Variants in MYO10 observed in about 807,000 individuals in gnomAD.
MYO10 encodes the protein unconventional myosin-X.
Under a neutral mutation model 257.3 loss-of-function variants are expected in MYO10, and 133 were observed. The ratio of observed to expected loss-of-function variants is 0.52; its 90% CI spans 0.45 to 0.60. The LOEUF (loss-of-function observed/expected upper bound fraction) is 0.60. Ranked by LOEUF, MYO10 falls within the 20% of genes least tolerant of loss-of-function variation. MYO10 has a pLI of 0.00. For synonymous variants in MYO10, 1,104 were observed against 1,028.6 expected (o/e 1.07, Z -1.40); for missense variants, 2,399 against 2,635.7 (o/e 0.91, Z 1.97).
At position 16,739,191 on chromosome 5, in the gene MYO10, C is replaced by CAA. The variant is rs1218627544; in HGVS notation, c.1929+15635_1929+15636dup. On this transcript the variant is annotated intron_variant, in intron 19 of 40. Coordinates refer to ENST00000513610, the MANE Select transcript of MYO10 (RefSeq NM_012334.3). ...CAGCCTGGGCAACATAATCATGTCCCAAAAAAAAAAAAAAAAAGCATAAAA... is the reference window on the plus strand; with the variant it reads ...CAGCCTGGGCAACATAATCATGTCCCAAAAAAAAAAAAAAAAAAAGCATAAAA... Among the ~76,000 whole-genome samples the CAA allele has an allele frequency of 4.6e-3, 444 of 96,548 alleles. 6 individuals carry two copies. Among genetic ancestry groups the CAA allele is most frequent in the African/African-American group, 0.014 (401 of 29,198 alleles). The allele number at this position is 96,548 out of a possible 152,430, so 63.3% of individuals were successfully genotyped here.
intron 30 of MYO10, 107 bp downstream of exon 30, chr5:16,683,773 G>T: frequency 1.8e-6 from 2 of 1,103,310 alleles, no homozygotes; most frequent in Non-Finnish European, 1.3e-6. Flanking sequence ...ACACAGCCTT[G>T]CGTGATTTCA....
At chr5:16,920,991 G>A (rs1159614860) in intron 1 of MYO10, among the ~76,000 whole-genome samples, 2 of 152,008 alleles carry the variant, frequency 1.3e-5, no homozygotes, top group African/African-American at 2.4e-5. Context: ...GGTGGTGGGC[G>A]CCTGTAATCC....
intron 3 of MYO10, among the ~76,000 whole-genome samples, chr5:16,798,708 T>C (rs1292062052): frequency 6.6e-6 from 1 of 152,242 alleles, no homozygotes; most frequent in Non-Finnish European, 1.5e-5. Flanking sequence ...TTTTTTCTGC[T>C]AAGTATCAAA....
At chr5:16,845,488 G>A (rs950120475) in intron 2 of MYO10, among the ~76,000 whole-genome samples, 5 of 152,028 alleles carry the variant, frequency 3.3e-5, no homozygotes, top group Non-Finnish European at 5.9e-5. Flanking sequence ...GCAACAAAGC[G>A]AGACTCACGC....
chr5:16,771,385 A>C (rs1741043979), intron 9 of MYO10, among the ~76,000 whole-genome samples: 1 of 151,788 alleles, frequency 6.6e-6, no homozygotes, highest in Non-Finnish European at 1.5e-5. Flanking sequence ...ATCTGACAGA[A>C]TTGTCCTAGG....
chr5:16,717,944 G>A (rs997163816), intron 19 of MYO10, among the ~76,000 whole-genome samples: 1 of 152,224 alleles, frequency 6.6e-6, no homozygotes, highest in Non-Finnish European at 1.5e-5. Context: ...TTGCAGGGAG[G>A]TGTGGAGGGA....
At chr5:16,761,439 C>A in intron 17 of MYO10, 25 bp downstream of exon 17, 3 of 1,564,118 alleles carry the variant, frequency 1.9e-6, no homozygotes, top group Non-Finnish European at 2.6e-6. Context: ...TTGCTAAGTA[C>A]TTCTCGGTGA....
intron 2 of MYO10, among the ~76,000 whole-genome samples, chr5:16,835,809 T>TCA (rs1473083201): frequency 1.1e-5 from 1 of 91,726 alleles, no homozygotes; most frequent in Non-Finnish European, 2.2e-5. Context: ...GCAAAAGTCT[T>TCA]TAAAAAAAAA....
chr5:16,673,578 G>GC, intron 36 of MYO10, 104 bp downstream of exon 36: 1 of 1,262,178 alleles, frequency 7.9e-7, no homozygotes, highest in Admixed American at 2.0e-5. Flanking sequence ...TAAGCAAACT[G>GC]CAACTGTGCA....
chr5:16,761,556 A>G lies in MYO10; in HGVS notation c.1657-10T>C. 6.2e-7 allele frequency: 1 copy of G among 1,601,744 alleles called. No individual in the cohort carries two copies. Among genetic ancestry groups the G allele is most frequent in the Non-Finnish European group, 8.6e-7 (1 of 1,169,116 alleles). ...GGACATCATATTGCACCTAGTTTTA[A>G]TAAATAAGAGAGGAGAAAACTGATT... On this transcript the variant is annotated splice_polypyrimidine_tract_variant and intron_variant, in intron 16 of 40. Transcript: ENST00000513610.
chr5:16,754,903 T>A lies in MYO10; in HGVS notation c.1854A>T (p.Ser618=). 1 of 1,585,532 alleles carries A rather than the reference T, an allele frequency of 6.3e-7. No homozygotes were observed. The highest frequency in any genetic ancestry group is 8.6e-7 in the Non-Finnish European group (1 of 1,161,616). ...TTAGCGTTGCCATTAAGGAATGCAG[T>A]GAGTCCTATTAGAAAAAGTATATGT... ...RPTVSSQFKD[S]LHSLMATLSS... Residue 618 remains serine, a synonymous_variant, in exon 19 of 41, where the codon TCA becomes TCT. Transcript: ENST00000513610.
At chr5:16,761,660 ATTTT>A (rs1290189637) in intron 16 of MYO10, 114 bp from the exon 17 acceptor site, 91 of 808,126 alleles carry the variant, frequency 1.1e-4, no homozygotes, top group Non-Finnish European at 1.5e-4. Flanking sequence ...TTATTTATTT[ATTTT>A]TTAAGAGACA....
intron 19 of MYO10, among the ~76,000 whole-genome samples, chr5:16,749,614 A>C (rs190015642): frequency 6.6e-4 from 100 of 152,302 alleles, no homozygotes; most frequent in African/African-American, 2.3e-3. Context: ...GGCTGGACTG[A>C]ATCTTTGAGG....
At chr5:16,931,172 G>A (rs1746284822) in intron 1 of MYO10, among the ~76,000 whole-genome samples, 1 of 152,170 alleles carries the variant, frequency 6.6e-6, no homozygotes, top group Admixed American at 6.5e-5. Context: ...TCGGGAGGCT[G>A]AGGCAGGAGA....
intron 19 of MYO10, among the ~76,000 whole-genome samples, chr5:16,747,146 G>C (rs1283417335): frequency 6.6e-6 from 1 of 152,126 alleles, no homozygotes; most frequent in Non-Finnish European, 1.5e-5. Context: ...TGAACCTGAG[G>C]TGGGGCTATG....
At chr5:16,778,173 C>T (rs1327812959) in intron 9 of MYO10, among the ~76,000 whole-genome samples, 2 of 151,972 alleles carry the variant, frequency 1.3e-5, no homozygotes, top group South Asian at 2.1e-4. Context: ...CTAATAAGGG[C>T]TCTGGTAAAG....
chr5:16,772,994 G>A (rs1025589283), intron 9 of MYO10, among the ~76,000 whole-genome samples: 1 of 152,296 alleles, frequency 6.6e-6, no homozygotes, highest in East Asian at 1.9e-4. Context: ...GATCACAGTT[G>A]TGGATAAATG....
At chr5:16,814,242 C>T (rs1742531023) in intron 3 of MYO10, among the ~76,000 whole-genome samples, 1 of 152,156 alleles carries the variant, frequency 6.6e-6, no homozygotes, top group Non-Finnish European at 1.5e-5. Context: ...CCCGGGTTCA[C>T]GCCATTTTCC....
chr5:16,761,024 CTT>C (rs1399787907), intron 17 of MYO10, among the ~76,000 whole-genome samples: 2 of 151,842 alleles, frequency 1.3e-5, no homozygotes, highest in Non-Finnish European at 2.9e-5. Context: ...GAGTTTCACT[CTT>C]GTCACCCAGG....
Sources: gnomAD v4.1 joint callset for allele counts (sites outside exome capture counted in the v4.1 genomes callset) on GRCh38, gnomAD v4.1.1 for gene constraint, MANE v1.5 for transcripts, NCBI Gene and HGNC (gene_info 2026-07-23, HGNC 2026-07-21) for gene names.